LNX1: variants seen among roughly 807,000 people sequenced by gnomAD.
The protein encoded by LNX1 is E3 ubiquitin-protein ligase LNX.
LNX1 carries 54 observed loss-of-function variants against 68.4 expected under a neutral mutation model. That is an observed-to-expected ratio of 0.79 (90% confidence interval 0.63 to 0.99). The LOEUF is 0.99. Ranked by LOEUF, LNX1 falls within the 50% of genes least tolerant of loss-of-function variation. The pLI, the probability that LNX1 is intolerant of heterozygous loss-of-function variation, is 0.00. For synonymous variants in LNX1, 336 were observed against 350.0 expected (o/e 0.96, Z 0.45); for missense variants, 906 against 926.4 (o/e 0.98, Z 0.29).
chr4:53,578,303 G>C (rs1274084300), intron 1 of LNX1, among the ~76,000 whole-genome samples: 4 of 152,130 alleles, frequency 2.6e-5, no homozygotes. Context: ...TAGGCGATTT[G>C]GTCCTTGGGT....
At chr4:53,643,324 G>T (rs1363888727) in intron 1 of LNX1, among the ~76,000 whole-genome samples, 1 of 151,928 alleles carries the variant, frequency 6.6e-6, no homozygotes, top group Admixed American at 6.6e-5. Context: ...TAATTTTTAA[G>T]TTTTTTGTAG....
chr4:53,586,889 T>C (rs1290183605), intron 1 of LNX1, among the ~76,000 whole-genome samples: 1 of 152,242 alleles, frequency 6.6e-6, no homozygotes, highest in Non-Finnish European at 1.5e-5. Flanking sequence ...GTATTCAACA[T>C]GTTTTTTCAT....
intron 2 of LNX1, among the ~76,000 whole-genome samples, chr4:53,513,467 C>A (rs1726519991): frequency 6.6e-6 from 1 of 152,108 alleles, no homozygotes; most frequent in Non-Finnish European, 1.5e-5. Context: ...AGACTCATAT[C>A]AAACTGCCCA....
chr4:53,484,348 A>G (rs1415659155), intron 6 of LNX1, among the ~76,000 whole-genome samples: 1 of 152,132 alleles, frequency 6.6e-6, no homozygotes, highest in Non-Finnish European at 1.5e-5. Context: ...AGATCACTTG[A>G]GGTCAGGAGT....
intron 1 of LNX1, among the ~76,000 whole-genome samples, chr4:53,624,426 G>A (rs980083697): frequency 8.5e-5 from 13 of 152,236 alleles, no homozygotes; most frequent in Non-Finnish European, 1.5e-4. Context: ...TCTCTTGCCT[G>A]CCACCATGTA....
intron 6 of LNX1, among the ~76,000 whole-genome samples, chr4:53,491,503 T>C (rs1724673596): frequency 6.6e-6 from 1 of 152,180 alleles, no homozygotes; most frequent in African/African-American, 2.4e-5. Context: ...TTCAGCATGG[T>C]ACCACACACC....
intron 1 of LNX1, among the ~76,000 whole-genome samples, chr4:53,643,135 G>A (rs905234834): frequency 6.6e-6 from 1 of 152,036 alleles, no homozygotes; most frequent in African/African-American, 2.4e-5. Flanking sequence ...GTATTGTTGA[G>A]TCAAGAAATC....
chr4:53,632,301 G>A (rs1203289332), intron 1 of LNX1, among the ~76,000 whole-genome samples: 1 of 152,178 alleles, frequency 6.6e-6, no homozygotes, highest in Non-Finnish European at 1.5e-5. Context: ...GTGGGAAGCT[G>A]ACAGCAGAAT....
upstream of LNX1, among the ~76,000 whole-genome samples, chr4:53,617,704 C>A (rs1409361678): frequency 6.6e-6 from 1 of 152,120 alleles, no homozygotes; most frequent in Non-Finnish European, 1.5e-5. Flanking sequence ...GAAGTTAAGG[C>A]AAAAGGATTA....
At chr4:53,526,264 A>G (rs1369902412) in intron 2 of LNX1, among the ~76,000 whole-genome samples, 1 of 152,144 alleles carries the variant, frequency 6.6e-6, no homozygotes, top group Non-Finnish European at 1.5e-5. Context: ...TCAGAAATTC[A>G]ATTTGAGGAG....
intron 2 of LNX1, among the ~76,000 whole-genome samples, chr4:53,551,200 T>C (rs1019722855): frequency 5.3e-5 from 8 of 152,172 alleles, no homozygotes; most frequent in Non-Finnish European, 7.3e-5. Flanking sequence ...TTACCGCTTT[T>C]GGCAGTTTCT....
intron 2 of LNX1, chr4:53,558,194 C>G (rs927845746): frequency 7.6e-7 from 1 of 1,316,254 alleles, no homozygotes; most frequent in South Asian, 1.7e-5. Context: ...GGAGCCACCA[C>G]GGTTGGCGAG....
intron 2 of LNX1, among the ~76,000 whole-genome samples, chr4:53,566,516 A>C (rs1730704667): frequency 6.7e-6 from 1 of 150,330 alleles, no homozygotes; most frequent in African/African-American, 2.4e-5. Flanking sequence ...CATGGAAAGG[A>C]ACAACCGGTA....
chr4:53,500,172 C>T (rs1347735423), intron 4 of LNX1: 1 of 152,200 alleles, frequency 6.6e-6, no homozygotes, highest in African/African-American at 2.4e-5. Flanking sequence ...TGTCAGGTAT[C>T]CCTGGAGCCA....
At chr4:53,525,397 G>A (rs185519699) in intron 2 of LNX1, among the ~76,000 whole-genome samples, 69 of 152,222 alleles carry the variant, frequency 4.5e-4, no homozygotes, top group East Asian at 2.7e-3. Flanking sequence ...CAGGAGAATC[G>A]CTTGAACCTG....
chr4:53,621,946 C>G (rs1054944606), upstream of LNX1, among the ~76,000 whole-genome samples: 13 of 152,122 alleles, frequency 8.5e-5, no homozygotes, highest in Non-Finnish European at 1.3e-4. Flanking sequence ...CCCCACTACC[C>G]ACCCCACCAC....
intron 1 of LNX1, among the ~76,000 whole-genome samples, chr4:53,582,968 C>T (rs1009718723): frequency 6.6e-6 from 1 of 152,216 alleles, no homozygotes; most frequent in Non-Finnish European, 1.5e-5. Flanking sequence ...GCAGGCATGT[C>T]TGCCTAACTA....
chr4:53,485,142 C>A (rs1560621282), intron 6 of LNX1, among the ~76,000 whole-genome samples: 1 of 152,210 alleles, frequency 6.6e-6, no homozygotes, highest in Non-Finnish European at 1.5e-5. Context: ...ATAAGCCTCC[C>A]TTCTTCTAAA....
At chr4:53,594,213 A>T (rs1223696525), upstream of LNX1, 3 of 151,646 alleles carry the variant, frequency 2.0e-5, no homozygotes, top group African/African-American at 7.3e-5. Flanking sequence ...GAGAAATCAT[A>T]CCAGGAAATC....
Sources: allele counts gnomAD v4.1 joint callset (sites outside exome capture counted in the v4.1 genomes callset), GRCh38; gene constraint gnomAD v4.1.1; transcripts MANE v1.5; gene names NCBI Gene and HGNC (gene_info 2026-07-23, HGNC 2026-07-21).